UBE2F: variants seen among roughly 807,000 people sequenced by gnomAD.
UBE2F encodes ubiquitin conjugating enzyme E2 F (putative), also known as NEDD8-conjugating enzyme UBE2F.
Under a neutral mutation model 29.6 loss-of-function variants are expected in UBE2F, and 5 were observed. The observed-to-expected ratio is 0.17, with a 90% confidence interval of 0.09 to 0.36. The LOEUF (loss-of-function observed/expected upper bound fraction) is 0.36, where lower values mean the gene tolerates loss of function less well. UBE2F is among the 10% of genes least tolerant of loss of function. UBE2F has a pLI of 1.00. For synonymous variants in UBE2F, 66 were observed against 81.8 expected (o/e 0.81, Z 1.04); for missense variants, 141 against 228.5 (o/e 0.62, Z 2.47).
chr2:237,974,520 T>TG (rs990942796), intron 2 of UBE2F, among the ~76,000 whole-genome samples: 3 of 142,122 alleles, frequency 2.1e-5, no homozygotes, highest in South Asian at 4.6e-4. Context: ...TTTTTGTTTT[T>TG]TTTTTTTTTT....
intron 6 of UBE2F, among the ~76,000 whole-genome samples, chr2:238,026,399 G>T: frequency 6.6e-6 from 1 of 152,074 alleles, no homozygotes; most frequent in East Asian, 1.9e-4. Context: ...AAGGAAATGT[G>T]TAAACTGTGG....
intron 2 of UBE2F, among the ~76,000 whole-genome samples, chr2:237,977,890 C>T (rs1562368): frequency 0.86 from 130,614 of 152,080 alleles, 56,251 homozygotes; most frequent in East Asian, 0.97. Context: ...TCTGGGACTT[C>T]ATGCCATAGG....
intron 4 of UBE2F, among the ~76,000 whole-genome samples, chr2:237,998,423 GTC>G (rs1313215462): frequency 1.3e-5 from 2 of 151,904 alleles, no homozygotes; most frequent in African/African-American, 4.8e-5. Context: ...TGTACTCTTT[GTC>G]TCTGACTTCT....
intron 2 of UBE2F, among the ~76,000 whole-genome samples, chr2:237,987,463 G>C (rs536743639): frequency 1.3e-5 from 2 of 152,276 alleles, no homozygotes; most frequent in East Asian, 3.9e-4. Context: ...TCCTGCAGAG[G>C]GGGTGCTGGG....
chr2:237,977,810 C>T (rs1424659562), intron 2 of UBE2F, among the ~76,000 whole-genome samples: 4 of 152,024 alleles, frequency 2.6e-5, no homozygotes, highest in East Asian at 1.9e-4. Flanking sequence ...GAACTGTCAT[C>T]GGGTACTGTG....
chr2:237,980,222 A>T, intron 2 of UBE2F, among the ~76,000 whole-genome samples: 1 of 152,326 alleles, frequency 6.6e-6, no homozygotes, highest in Admixed American at 6.5e-5. Flanking sequence ...TGGGGCTTGG[A>T]GCTGGCTTTT....
chr2:237,982,020 G>A lies in UBE2F; in HGVS notation c.119-5943G>A, dbSNP rs531280270. Among the ~76,000 whole-genome samples the A allele has an allele frequency of 6.6e-6, 1 of 152,220 alleles. No homozygotes were observed. Among genetic ancestry groups the A allele is most frequent in the African/African-American group, 2.4e-5 (1 of 41,540 alleles). On this transcript the variant is annotated intron_variant, in intron 2 of 9. Transcript: ENST00000272930. The surrounding 1 kb of genome is among the most constrained non-coding windows in gnomAD (Gnocchi z 4.1). ...ATTAGGAGTTTTAAAAGCTCAGCAGGTACTGGATTGTGGTAATGGATCCAT... is the reference window on the plus strand; with the variant it reads ...ATTAGGAGTTTTAAAAGCTCAGCAGATACTGGATTGTGGTAATGGATCCAT...
chr2:238,030,074 C>T (rs2106404799), intron 6 of UBE2F, among the ~76,000 whole-genome samples: 1 of 152,016 alleles, frequency 6.6e-6, no homozygotes, highest in South Asian at 2.1e-4. Flanking sequence ...GGAGTACAGG[C>T]GTGCACCACT....
In UBE2F at chr2:237,973,627, G is replaced by A. The variant is rs1453572082; in HGVS notation, c.118+402G>A. 6 of 1,274,676 alleles carry A rather than the reference G, an allele frequency of 4.7e-6. No homozygotes were observed. In the South Asian group the frequency reaches 6.3e-5, roughly 13 times the overall value. 79.0% of individuals were successfully genotyped at this position (1,274,676 alleles called of 1,614,324 possible). On this transcript the variant is annotated intron_variant, in intron 2 of 9. Coordinates refer to ENST00000272930, the MANE Select transcript of UBE2F (RefSeq NM_080678.3). Reference sequence around the variant, plus strand: ...GGAGTCAAATTTTGTAATCTCTTAGGATCTTTTCCTGTTTTATTCAGGTCA... The same window carrying A: ...GGAGTCAAATTTTGTAATCTCTTAGAATCTTTTCCTGTTTTATTCAGGTCA...
rs1005819614 is a variant in UBE2F, at chr2:238,040,924, A to T, written c.508-364A>T. The stretch of plus-strand genomic sequence containing the variant: ...AAACAAGGGTCTTCCTGAGAGCAGC[A>T]GCTGTGGCTCACATCCATTGTGGCC... On this transcript the variant is annotated intron_variant, in intron 9 of 9. Coordinates refer to ENST00000272930, the MANE Select transcript of UBE2F (RefSeq NM_080678.3). This position sits in a 1 kb window ranked among gnomAD's most constrained non-coding sequence, Gnocchi z 4.4. Among the ~76,000 whole-genome samples, 3 of 152,180 alleles carry T rather than the reference A, an allele frequency of 2.0e-5. No individual in the cohort carries two copies. Among genetic ancestry groups the T allele is most frequent in the African/African-American group, 7.2e-5 (3 of 41,450 alleles).
intron 2 of UBE2F, among the ~76,000 whole-genome samples, chr2:237,981,808 G>A (rs1312045948): frequency 1.3e-5 from 2 of 151,656 alleles, no homozygotes; most frequent in African/African-American, 2.4e-5. Context: ...TGTATCTTTT[G>A]TAGAGACAAG....
intron 5 of UBE2F, among the ~76,000 whole-genome samples, chr2:238,017,345 G>C (rs1363555778): frequency 1.3e-5 from 2 of 152,156 alleles, no homozygotes; most frequent in Non-Finnish European, 2.9e-5. Flanking sequence ...CCCAGAACCA[G>C]GGGAGGGTAT....
At chr2:238,022,175 C>CTTTTTTTTTTTTTTTT (rs1162304454) in intron 5 of UBE2F, among the ~76,000 whole-genome samples, 1,009 of 62,806 alleles carry the variant, frequency 0.016, 62 homozygotes, top group African/African-American at 0.04. Context: ...CTTTTCTTTT[C>CTTTTTTTTTTTTTTTT]TTTTTTTTTT....
At chr2:238,028,581 A>G (rs969786595) in intron 6 of UBE2F, among the ~76,000 whole-genome samples, 2 of 152,252 alleles carry the variant, frequency 1.3e-5, no homozygotes, top group Non-Finnish European at 2.9e-5. Flanking sequence ...TAGGGTAGAA[A>G]GACGTCCACC....
chr2:237,992,918 T>TA (rs1323606154), intron 3 of UBE2F, among the ~76,000 whole-genome samples: 1 of 151,778 alleles, frequency 6.6e-6, no homozygotes, highest in African/African-American at 2.4e-5. Flanking sequence ...AAAAGTCTTC[T>TA]AAAAAAACTT....
chr2:237,974,983 G>A (rs1005959891), intron 2 of UBE2F, among the ~76,000 whole-genome samples: 1 of 151,748 alleles, frequency 6.6e-6, no homozygotes, highest in Non-Finnish European at 1.5e-5. Context: ...TGTTAGCCAG[G>A]CTAGTCTTGA....
intron 4 of UBE2F, among the ~76,000 whole-genome samples, chr2:238,001,886 T>C (rs755796352): frequency 1.4e-4 from 22 of 152,284 alleles, no homozygotes; most frequent in Non-Finnish European, 2.6e-4. Context: ...TGATGTTTTC[T>C]TATTTTGAAA....
chr2:237,978,082 C>T (rs1313067444), intron 2 of UBE2F, among the ~76,000 whole-genome samples: 3 of 152,214 alleles, frequency 2.0e-5, no homozygotes, highest in Non-Finnish European at 4.4e-5. Context: ...AGCACAAGCA[C>T]AGCCCTTCAG....
chr2:238,027,914 G>C (rs1053809612), intron 6 of UBE2F, among the ~76,000 whole-genome samples: 1 of 152,224 alleles, frequency 6.6e-6, no homozygotes, highest in East Asian at 1.9e-4. Context: ...TGTTGTCCCG[G>C]CAGGGACCCT....
Sources: gnomAD v4.1 joint callset for allele counts (sites outside exome capture counted in the v4.1 genomes callset) on GRCh38, gnomAD v4.1.1 for gene constraint, Gnocchi (gnomAD v3.1) non-coding constraint, MANE v1.5 for transcripts, NCBI Gene and HGNC (gene_info 2026-07-23, HGNC 2026-07-21) for gene names.